PAMR1: variants seen among roughly 807,000 people sequenced by gnomAD.
PAMR1 encodes the protein inactive serine protease PAMR1.
PAMR1 carries 88 observed loss-of-function variants against 81.8 expected under a neutral mutation model. That is an observed-to-expected ratio of 1.08 (90% CI 0.91 to 1.28). PAMR1 has a LOEUF of 1.28. Ranked by LOEUF, PAMR1 falls within the 50% of genes most tolerant of loss-of-function variation. PAMR1 has a pLI of 0.00. For missense variants in PAMR1, 935 were observed against 919.7 expected (o/e 1.02, Z -0.21); for synonymous variants, 336 against 345.3 (o/e 0.97, Z 0.30).
At chr11:35,436,610 T>G (rs1007151711) in intron 8 of PAMR1, among the ~76,000 whole-genome samples, 3 of 151,886 alleles carry the variant, frequency 2.0e-5, no homozygotes, top group Non-Finnish European at 4.4e-5. Flanking sequence ...ATTCTGTGTC[T>G]CTCTGTTTCT....
At chr11:35,497,712 A>G (rs1485666488) in intron 1 of PAMR1, among the ~76,000 whole-genome samples, 1 of 152,058 alleles carries the variant, frequency 6.6e-6, no homozygotes, top group Admixed American at 6.6e-5. Flanking sequence ...CATGTTGACC[A>G]CTCTGAATTT....
At chr11:35,508,515 C>CTTTTTTTTTTTTTTTTTTTTTTTTTT in intron 1 of PAMR1, among the ~76,000 whole-genome samples, 1 of 76,156 alleles carries the variant, frequency 1.3e-5, no homozygotes, top group Non-Finnish European at 2.3e-5. Flanking sequence ...CAGGAACCTC[C>CTTTTTTTTTTTTTTTTTTTTTTTTTT]ATTTTTTTTT....
At chr11:35,509,604 ATTT>A (rs1410530938) in intron 1 of PAMR1, among the ~76,000 whole-genome samples, 1 of 152,236 alleles carries the variant, frequency 6.6e-6, no homozygotes, top group East Asian at 1.9e-4. Flanking sequence ...TTGCTAATAA[ATTT>A]TATTTTAAAT....
At chr11:35,480,097 A>T (rs575307480) in intron 3 of PAMR1, among the ~76,000 whole-genome samples, 1 of 152,160 alleles carries the variant, frequency 6.6e-6, no homozygotes, top group Non-Finnish European at 1.5e-5. Flanking sequence ...CAGGAATATC[A>T]TCTGTCCTGT....
chr11:35,524,207 T>C (rs972116851), intron 1 of PAMR1, among the ~76,000 whole-genome samples: 3 of 152,130 alleles, frequency 2.0e-5, no homozygotes, highest in Admixed American at 1.3e-4. Flanking sequence ...TATGAAGGGC[T>C]CCTTCTTCCT....
intron 8 of PAMR1, among the ~76,000 whole-genome samples, 170 bp downstream of exon 8, chr11:35,439,457 G>A (rs530698789): frequency 2.8e-4 from 42 of 152,168 alleles, no homozygotes; most frequent in Non-Finnish European, 5.4e-4. Context: ...AAAGGCAGCT[G>A]GCTAATAAGC....
At chr11:35,486,974 G>C (rs1327387086) in intron 3 of PAMR1, among the ~76,000 whole-genome samples, 1 of 152,098 alleles carries the variant, frequency 6.6e-6, no homozygotes, top group Admixed American at 6.5e-5. Context: ...AGTGGAATAT[G>C]GGTGAGTGTG....
At chr11:35,526,585 G>A (rs1851396281), upstream of PAMR1, among the ~76,000 whole-genome samples, 1 of 152,168 alleles carries the variant, frequency 6.6e-6, no homozygotes. Context: ...TTTACAATTA[G>A]AGAAACGGAA....
At chr11:35,488,911 G>T in intron 3 of PAMR1, among the ~76,000 whole-genome samples, 1 of 152,026 alleles carries the variant, frequency 6.6e-6, no homozygotes, top group East Asian at 1.9e-4. Context: ...GTCACCAATC[G>T]CATGCTAGCC....
chr11:35,516,182 A>G (rs1008238287), intron 1 of PAMR1, among the ~76,000 whole-genome samples: 6 of 152,196 alleles, frequency 3.9e-5, no homozygotes, highest in Non-Finnish European at 8.8e-5. Context: ...CACATCAGCG[A>G]GGGGAAGTAA....
At position 35,494,267 on chromosome 11, in the gene PAMR1, T is replaced by C. The variant is rs866370671; in HGVS notation, c.79A>G (p.Thr27Ala). The C allele has an allele frequency of 5.6e-6, 9 of 1,613,782 alleles. No homozygotes were observed. Among genetic ancestry groups the C allele is most frequent in the Non-Finnish European group, 7.6e-6 (9 of 1,179,824 alleles). The change falls in exon 2 of 11, where the codon ACA becomes GCA. Residue 27 changes from threonine (T) to alanine (A), a missense_variant. Thr to Ala is a moderately conservative substitution (Grantham distance 58). Transcript: ENST00000619888. ...CCAGGGCAGGCTTCATTAATGACTG[T>C]GTACTCTGAAATGGAAAACCAGCAG... ...LLISSLPREY[T>A]VINEACPGAE... is the part of the protein sequence containing the mutation.
intron 6 of PAMR1, among the ~76,000 whole-genome samples, chr11:35,463,848 T>A (rs1856709575): frequency 6.6e-6 from 1 of 152,216 alleles, no homozygotes; most frequent in Non-Finnish European, 1.5e-5. Context: ...CAAATCTAGC[T>A]GATTATTTTG....
chr11:35,525,668 G>A (rs1851374179), upstream of PAMR1: 2 of 1,166,084 alleles, frequency 1.7e-6, no homozygotes, highest in African/African-American at 3.0e-5. Flanking sequence ...GGTTTTACAG[G>A]GACCTCCCCG....
At chr11:35,461,400 G>T (rs544593388) in intron 6 of PAMR1, among the ~76,000 whole-genome samples, 8 of 152,240 alleles carry the variant, frequency 5.3e-5, no homozygotes, top group African/African-American at 1.9e-4. Flanking sequence ...TGGCTAGAAT[G>T]CTGTCCATGC....
intron 3 of PAMR1, among the ~76,000 whole-genome samples, chr11:35,478,930 C>T (rs775638590): frequency 6.6e-5 from 10 of 152,058 alleles, no homozygotes; most frequent in East Asian, 1.9e-4. Flanking sequence ...GCCTCATTGC[C>T]GATCTTTCCC....
rs576247041 is a variant in PAMR1, at chr11:35,462,161, C to T, written c.820+5840G>A. Among the ~76,000 whole-genome samples the T allele has an allele frequency of 2.0e-3, 306 of 152,170 alleles. 1 individual carries two copies. Among genetic ancestry groups the T allele is most frequent in the African/African-American group, 6.8e-3 (284 of 41,522 alleles). ...CACACTAAATAAGTGACCAATAAAA[C>T]CCCATGAGAAAAAGGGAGGCTGGCC... On this transcript the variant is annotated intron_variant, in intron 6 of 10. Coordinates refer to ENST00000619888, the MANE Select transcript of PAMR1 (RefSeq NM_001001991.3).
chr11:35,488,374 A>T (rs938656), intron 3 of PAMR1, among the ~76,000 whole-genome samples: 2 of 151,772 alleles, frequency 1.3e-5, no homozygotes, highest in African/African-American at 4.8e-5. Context: ...ATGCACCACC[A>T]TGCCTGGCTG....
At chr11:35,447,117 T>C (rs1018232232) in intron 6 of PAMR1, among the ~76,000 whole-genome samples, 2 of 152,186 alleles carry the variant, frequency 1.3e-5, no homozygotes, top group African/African-American at 4.8e-5. Context: ...ATATTGTTGG[T>C]TTAAAGTCTG....
intron 4 of PAMR1, among the ~76,000 whole-genome samples, chr11:35,473,295 T>G (rs1302948425): frequency 2.0e-5 from 3 of 152,196 alleles, no homozygotes; most frequent in Non-Finnish European, 4.4e-5. Context: ...CATGACTCCC[T>G]AAGGCCCTTT....
Sources: allele counts gnomAD v4.1 joint callset (sites outside exome capture counted in the v4.1 genomes callset), GRCh38; gene constraint gnomAD v4.1.1; transcripts MANE v1.5; gene names NCBI Gene and HGNC (gene_info 2026-07-23, HGNC 2026-07-21).